The following RORA variants were observed in gnomAD, a reference collection of about 807,000 sequenced individuals.
RORA encodes the protein nuclear receptor ROR-alpha.
A neutral mutation model predicts 69.5 loss-of-function variants in RORA; 7 were observed. That is an observed-to-expected ratio of 0.10 (90% CI 0.06 to 0.19). The LOEUF is 0.19. Ranked by LOEUF, RORA falls within the 10% of genes least tolerant of loss-of-function variation. The probability of loss-of-function intolerance (pLI) is 1.00; values close to 1 mark genes in which losing one functional copy is unlikely to be tolerated. For missense variants in RORA, 457 were observed against 663.0 expected (o/e 0.69, Z 3.41); for synonymous variants, 261 against 240.8 (o/e 1.08, Z -0.78).
At chr15:60,954,147 A>G (rs1893192577) in intron 1 of RORA, among the ~76,000 whole-genome samples, 2 of 145,886 alleles carry the variant, frequency 1.4e-5, no homozygotes, top group Non-Finnish European at 3.0e-5. Flanking sequence ...TTGTAGGGAC[A>G]TGGATGAAAT....
intron 1 of RORA, among the ~76,000 whole-genome samples, chr15:61,194,813 T>C (rs2079832540): frequency 6.6e-6 from 1 of 152,176 alleles, no homozygotes; most frequent in Non-Finnish European, 1.5e-5. Flanking sequence ...ATTCCAGTCA[T>C]ATAATTTTCC....
At chr15:60,678,887 C>G (rs1000510051) in intron 1 of RORA, among the ~76,000 whole-genome samples, 3 of 152,172 alleles carry the variant, frequency 2.0e-5, no homozygotes, top group African/African-American at 7.2e-5. Context: ...GCGACCATCA[C>G]CTCCTGGTTT....
chr15:60,984,162 C>T (rs1427311547), intron 1 of RORA, among the ~76,000 whole-genome samples: 1 of 152,056 alleles, frequency 6.6e-6, no homozygotes, highest in African/African-American at 2.4e-5. Flanking sequence ...TTTTCTGATT[C>T]ACTTTATAAG....
At chr15:61,094,364 A>G (rs1368949950) in intron 1 of RORA, among the ~76,000 whole-genome samples, 1 of 152,156 alleles carries the variant, frequency 6.6e-6, no homozygotes, top group Non-Finnish European at 1.5e-5. Flanking sequence ...ACCCATTCTA[A>G]GTAATCAAAT....
chr15:60,509,711 T>G lies in RORA; in HGVS notation c.820+1515A>C, dbSNP rs76363829. On this transcript the variant is annotated intron_variant, in intron 5 of 10. Coordinates refer to ENST00000335670, the MANE Select transcript of RORA (RefSeq NM_134261.3). ...TCAAATCCTTATTCATATCTGAAAA[T>G]TGTACTTTCATTACAGTTCTGCTTA... Among the ~76,000 whole-genome samples the G allele has an allele frequency of 5.8e-3, 876 of 152,192 alleles. 32 individuals are homozygous for G. The East Asian group carries it at 0.11, about 18-fold the overall frequency.
Position 60,534,825 on chromosome 15 carries a change from G to A in RORA, c.197-2974C>T, listed in dbSNP as rs2141467121. ...GCGAGCATTTGCAGATTGGAGCAGGGCACTTGCTCAGCCCTTCATTTAACC... is the reference window on the plus strand; with the variant it reads ...GCGAGCATTTGCAGATTGGAGCAGGACACTTGCTCAGCCCTTCATTTAACC... On this transcript the variant is annotated intron_variant, in intron 2 of 10. Coordinates refer to ENST00000335670, the MANE Select transcript of RORA (RefSeq NM_134261.3). The surrounding 1 kb of genome is among the most constrained non-coding windows in gnomAD (Gnocchi z 5.0). Among the ~76,000 whole-genome samples, 1 of 152,218 alleles carries A rather than the reference G, an allele frequency of 6.6e-6. No homozygotes were observed. Among genetic ancestry groups the A allele is most frequent in the East Asian group, 1.9e-4 (1 of 5,178 alleles).
chr15:61,002,278 C>T (rs951380217), intron 1 of RORA, among the ~76,000 whole-genome samples: 2 of 152,166 alleles, frequency 1.3e-5, no homozygotes, highest in African/African-American at 2.4e-5. Context: ...AGGGATGCAG[C>T]GTCAGTGTGT....
chr15:60,544,746 G>A (rs1259151602), intron 2 of RORA: 2 of 152,118 alleles, frequency 1.3e-5, no homozygotes, highest in Non-Finnish European at 2.9e-5. Flanking sequence ...TAGAGGCAAA[G>A]CCCACAGCAG....
In RORA at chr15:60,815,966, GTATT is replaced by G. The variant is rs1006780767; in HGVS notation, c.167-137284_167-137281del. ...TGTATATATACTATAAATAGTATAT[GTATT>G]TATTTACTATAAATAGTATATATAT... On this transcript the variant is annotated intron_variant, in intron 1 of 10. Coordinates refer to ENST00000335670, the MANE Select transcript of RORA (RefSeq NM_134261.3). Among the ~76,000 whole-genome samples, 4 of 126,400 alleles carry G rather than the reference GTATT, an allele frequency of 3.2e-5. 1 individual carries two copies. The highest frequency in any genetic ancestry group is 9.3e-5 in the African/African-American group (3 of 32,358). The allele number at this position is 126,400 out of a possible 152,430, so 82.9% of individuals were successfully genotyped here.
intron 1 of RORA, among the ~76,000 whole-genome samples, chr15:60,829,713 G>T (rs199666456): frequency 6.6e-6 from 1 of 152,242 alleles, no homozygotes. Flanking sequence ...GGAGATGGAA[G>T]AAATCTCACA....
chr15:60,804,125 C>T (rs1040644552), intron 1 of RORA, among the ~76,000 whole-genome samples: 7 of 151,850 alleles, frequency 4.6e-5, no homozygotes, highest in Admixed American at 2.6e-4. Context: ...CTTGTCTCTA[C>T]TAAAAATACA....
At chr15:60,968,558 T>G (rs1007803503) in intron 1 of RORA, among the ~76,000 whole-genome samples, 17 of 152,150 alleles carry the variant, frequency 1.1e-4, no homozygotes, top group African/African-American at 3.6e-4. Flanking sequence ...CTCTCTGGAG[T>G]TTGTGATTTA....
At chr15:60,725,642 C>T (rs2071347320) in intron 1 of RORA, among the ~76,000 whole-genome samples, 1 of 152,188 alleles carries the variant, frequency 6.6e-6, no homozygotes, top group South Asian at 2.1e-4. Context: ...CCCTGCTGTG[C>T]TGTGAAATAC....
At chr15:60,961,580 T>C (rs1893415340) in intron 1 of RORA, among the ~76,000 whole-genome samples, 1 of 152,214 alleles carries the variant, frequency 6.6e-6, no homozygotes, top group South Asian at 2.1e-4. Flanking sequence ...GCCTAAGATA[T>C]GAATGGGCAG....
chr15:60,597,598 ATATATATATATATATATATACAT>A lies in RORA; in HGVS notation c.197-65770_197-65748del, dbSNP rs1368894091. Among the ~76,000 whole-genome samples the A allele has an allele frequency of 3.2e-3, 54 of 16,622 alleles. 2 individuals are homozygous for A. The highest frequency in any genetic ancestry group is 7.2e-3 in the African/African-American group (42 of 5,818). The allele number at this position is 16,622 out of a possible 152,430, so 10.9% of individuals were successfully genotyped here. On this transcript the variant is annotated intron_variant, in intron 2 of 10. Coordinates refer to ENST00000335670, the MANE Select transcript of RORA (RefSeq NM_134261.3). ...TACACATATATATATATATATACAC[ATATATATATATATATATATACAT>A]ACATATATATACATATATATATATA...
chr15:60,598,146 A>G (rs1029807728), intron 2 of RORA, among the ~76,000 whole-genome samples: 7 of 152,212 alleles, frequency 4.6e-5, no homozygotes, highest in African/African-American at 1.7e-4. Flanking sequence ...ATCTCTCAGT[A>G]GAGCTTACAA....
At chr15:60,593,408 A>C (rs2068597092) in intron 2 of RORA, 1 of 152,424 alleles carries the variant, frequency 6.6e-6, no homozygotes, top group African/African-American at 2.4e-5. Context: ...TCATACCCTA[A>C]AAATGAAACA....
chr15:60,726,624 C>T (rs536786611), intron 1 of RORA, among the ~76,000 whole-genome samples: 4 of 152,318 alleles, frequency 2.6e-5, no homozygotes, highest in East Asian at 1.9e-4. Context: ...CTTTGCTTTG[C>T]GTAGGCCCCG....
At chr15:61,118,700 T>C (rs1001984052) in intron 1 of RORA, among the ~76,000 whole-genome samples, 33 of 152,104 alleles carry the variant, frequency 2.2e-4, no homozygotes, top group African/African-American at 8.0e-4. Flanking sequence ...CGCGTTTTCC[T>C]TCTGTGACAC....
Sources: gnomAD v4.1 joint callset for allele counts (sites outside exome capture counted in the v4.1 genomes callset) on GRCh38, gnomAD v4.1.1 for gene constraint, Gnocchi (gnomAD v3.1) non-coding constraint, MANE v1.5 for transcripts, NCBI Gene and HGNC (gene_info 2026-07-23, HGNC 2026-07-21) for gene names.